The following FZD7 variants were observed in gnomAD, a reference collection of about 807,000 sequenced individuals.
The protein encoded by FZD7 is frizzled class receptor 7, also known as frizzled-7.
A neutral mutation model predicts 39.0 loss-of-function variants in FZD7; 21 were observed. The ratio of observed to expected loss-of-function variants is 0.54; its 90% CI spans 0.38 to 0.78. FZD7 has a LOEUF of 0.78. Ranked by LOEUF, FZD7 falls within the 30% of genes least tolerant of loss-of-function variation. The pLI is 0.00. For synonymous variants in FZD7, 428 were observed against 364.9 expected, an observed-to-expected ratio of 1.17 and a Z score of -1.97; for missense variants, 695 against 805.0, an observed-to-expected ratio of 0.86 and a Z score of 1.65.
Position 202,034,609 on chromosome 2 carries a change from C to G in FZD7, c.-39C>G. On this transcript the variant is annotated 5_prime_UTR_variant, in exon 1 of 1. Coordinates refer to ENST00000286201, the MANE Select transcript of FZD7 (RefSeq NM_003507.2). ...AGCCTCTCCCAACCGCCTCGTCGCA[C>G]TCCTCAGGCTGAGAGCACCGCTGCA... The G allele has an allele frequency of 6.7e-7, 1 of 1,491,420 alleles. No individual in the cohort carries two copies. Among genetic ancestry groups the G allele is most frequent in the Non-Finnish European group, 8.8e-7 (1 of 1,131,390 alleles). The allele number at this position is 1,491,420 out of a possible 1,614,324, so 92.4% of individuals were successfully genotyped here. A position where few individuals can be genotyped will look rare whatever the true frequency, so the allele number is the denominator to read the frequency against.
In FZD7 at chr2:202,034,478, G is replaced by T. The variant is rs922421434; in HGVS notation, c.-170G>T. 2.4e-6 allele frequency: 1 copy of T among 410,302 alleles called. No homozygotes were observed. Among genetic ancestry groups the T allele is most frequent in the East Asian group, 4.0e-5 (1 of 24,878 alleles). The allele number at this position is 410,302 out of a possible 1,614,324, so 25.4% of individuals were successfully genotyped here. Reference sequence around the variant, plus strand: ...GCGGCGTCTGCGGCGCCTTCGCGGCGCGGGCACCCAGGCGGCAGCGCCCTT... The same window carrying T: ...GCGGCGTCTGCGGCGCCTTCGCGGCTCGGGCACCCAGGCGGCAGCGCCCTT... On this transcript the variant is annotated 5_prime_UTR_variant, in exon 1 of 1. Coordinates refer to ENST00000286201, the MANE Select transcript of FZD7 (RefSeq NM_003507.2).
Position 202,035,629 on chromosome 2 carries a change from G to T in FZD7, c.982G>T (p.Ala328Ser), listed in dbSNP as rs1399375323. 6.2e-7 allele frequency: 1 copy of T among 1,614,208 alleles called. No homozygotes were observed. The highest frequency in any genetic ancestry group is 8.5e-7 in the Non-Finnish European group (1 of 1,180,046). The change falls in exon 1 of 1, where the codon GCG becomes TCG. Residue 328 changes from alanine to serine, a missense_variant. Coordinates refer to ENST00000286201, the MANE Select transcript of FZD7 (RefSeq NM_003507.2). ...RFSDDGYRTV[A>S]QGTKKEGCTI... ...CTCGGACGATGGCTACCGCACGGTG[G>T]CGCAGGGCACCAAGAAGGAGGGCTG...
Position 202,036,105 on chromosome 2 carries a change from G to A in FZD7, c.1458G>A (p.Leu486=). ...ACACAGTGCCCGCCACCATCGTCCT[G>A]GCCTGCTACTTCTACGAGCAGGCCT... ...VLYTVPATIV[L]ACYFYEQAFR... The change falls in exon 1 of 1, where the codon CTG becomes CTA. Residue 486 remains leucine, a synonymous_variant. Transcript: ENST00000286201. 1.2e-6 allele frequency: 2 copies of A among 1,613,924 alleles called. No individual in the cohort carries two copies. The highest frequency in any genetic ancestry group is 2.2e-5 in the East Asian group (1 of 44,884).
In FZD7 at chr2:202,036,958, C is replaced by T. The variant is rs1410736399; in HGVS notation, c.*586C>T. 1.2e-5 allele frequency: 2 copies of T among 167,578 alleles called. No individual in the cohort carries two copies. The highest frequency in any genetic ancestry group is 2.9e-5 in the Non-Finnish European group (2 of 68,528). 10.4% of individuals were successfully genotyped at this position (167,578 alleles called of 1,614,324 possible). ...GTCTCTCCTCCCCTGCCCCCTCCCGCCTGTTTTTCCTCCCGTACTGCTTTC... is the reference window on the plus strand; with the variant it reads ...GTCTCTCCTCCCCTGCCCCCTCCCGTCTGTTTTTCCTCCCGTACTGCTTTC... On this transcript the variant is annotated 3_prime_UTR_variant, in exon 1 of 1. Transcript: ENST00000286201.
Position 202,034,872 on chromosome 2 carries a change from C to G in FZD7, c.225C>G (p.Asn75Lys). Residue 75 changes from asparagine (N) to lysine (K), a missense_variant, in exon 1 of 1, where the codon AAC (asparagine) becomes AAG (lysine). Coordinates refer to ENST00000286201, the MANE Select transcript of FZD7 (RefSeq NM_003507.2). ...TILPNLLGHT[N>K]QEDAGLEVHQ... is the part of the protein sequence containing the mutation. ...TGCCCAACCTGCTGGGCCACACGAA[C>G]CAAGAGGACGCGGGCCTCGAGGTGC... 2 of 1,614,208 alleles carry G rather than the reference C, an allele frequency of 1.2e-6. No homozygotes were observed. The highest frequency in any genetic ancestry group is 1.7e-6 in the Non-Finnish European group (2 of 1,180,040).
Position 202,034,868 on chromosome 2 carries a change from C to T in FZD7, c.221C>T (p.Thr74Met), listed in dbSNP as rs547303593. ...ATCCTGCCCAACCTGCTGGGCCACA[C>T]GAACCAAGAGGACGCGGGCCTCGAG... ...QTILPNLLGH[T>M]NQEDAGLEVH... The change falls in exon 1 of 1, where the codon ACG (threonine) becomes ATG (methionine). Residue 74 changes from threonine (T) to methionine (M), a missense_variant. Coordinates refer to ENST00000286201, the MANE Select transcript of FZD7 (RefSeq NM_003507.2). 6.2e-7 allele frequency: 1 copy of T among 1,614,180 alleles called. No homozygotes were observed. Among genetic ancestry groups the T allele is most frequent in the Non-Finnish European group, 8.5e-7 (1 of 1,180,016 alleles).
Position 202,036,055 on chromosome 2 carries a change from C to A in FZD7, c.1408C>A (p.Arg470Ser). Residue 470 changes from arginine (R) to serine (S), a missense_variant, in exon 1 of 1, where the codon CGC becomes AGC. Transcript: ENST00000286201. The part of the protein sequence containing the change: ...KTEKLEKLMV[R>S]IGVFSVLYTV... ...CGAGAAGCTGGAGAAGCTCATGGTG[C>A]GCATCGGCGTCTTCAGCGTGCTCTA... The A allele has an allele frequency of 1.9e-6, 3 of 1,613,344 alleles. No individual in the cohort carries two copies. The highest frequency in any genetic ancestry group is 2.5e-6 in the Non-Finnish European group (3 of 1,179,814).
At position 202,034,597 on chromosome 2, in the gene FZD7, C is replaced by T. The variant is rs372559084; in HGVS notation, c.-51C>T. The T allele has an allele frequency of 2.1e-6, 3 of 1,460,906 alleles. No individual in the cohort carries two copies. Among genetic ancestry groups the T allele is most frequent in the Admixed American group, 2.4e-5 (1 of 42,298 alleles). 90.5% of individuals were successfully genotyped at this position (1,460,906 alleles called of 1,614,324 possible). ...TCCCCGCATCCAAGCCTCTCCCAAC[C>T]GCCTCGTCGCACTCCTCAGGCTGAG... On this transcript the variant is annotated 5_prime_UTR_variant, in exon 1 of 1. Transcript: ENST00000286201.
chr2:202,034,678 T>C lies in FZD7; in HGVS notation c.31T>C (p.Ser11Pro), dbSNP rs766841500. MRDPGAAAPL[S>P]SLGLCALVLA... The stretch of plus-strand genomic sequence containing the variant: ...GGACCCCGGCGCGGCCGCTCCGCTT[T>C]CGTCCCTGGGCCTCTGTGCCCTGGT... Residue 11 changes from serine to proline, a missense_variant, in exon 1 of 1, where the codon TCG becomes CCG. By Grantham distance (74) the Ser-to-Pro change is moderately conservative. Coordinates refer to ENST00000286201, the MANE Select transcript of FZD7 (RefSeq NM_003507.2). 6.3e-7 allele frequency: 1 copy of C among 1,598,200 alleles called. No individual in the cohort carries two copies. Among genetic ancestry groups the C allele is most frequent in the Non-Finnish European group, 8.5e-7 (1 of 1,175,826 alleles).
chr2:202,036,314 C>A lies in FZD7; in HGVS notation c.1667C>A (p.Ser556Ter). The part of the protein sequence containing the change: ...FWIWSGKTLQ[S>*]WRRFYHRLSH... The stretch of plus-strand genomic sequence containing the variant: ...ATCTGGTCGGGCAAGACCCTGCAGT[C>A]GTGGCGCCGCTTCTACCACAGACTT... Residue 556 changes from serine (S) to a stop codon, truncating the protein, a stop_gained, in exon 1 of 1, where the codon TCG (serine) becomes TAG (stop). Coordinates refer to ENST00000286201, the MANE Select transcript of FZD7 (RefSeq NM_003507.2). LOFTEE classifies it high-confidence loss of function. 1 of 1,613,132 alleles carries A rather than the reference C, an allele frequency of 6.2e-7. No homozygotes were observed. Among genetic ancestry groups the A allele is most frequent in the Non-Finnish European group, 8.5e-7 (1 of 1,179,956 alleles).
rs1421612764 is a variant in FZD7 at position 202,035,946 on chromosome 2, C to T, written c.1299C>T (p.Leu433=). ...GFVLAPLFVY[L]FIGTSFLLAG... ...TGCTGGCGCCTCTGTTCGTCTACCT[C>T]TTCATAGGCACGTCCTTCTTGCTGG... Residue 433 remains leucine (L), a synonymous_variant, in exon 1 of 1, where the codon CTC becomes CTT. Transcript: ENST00000286201. 1.9e-6 allele frequency: 3 copies of T among 1,614,030 alleles called. No individual in the cohort carries two copies. Among genetic ancestry groups the T allele is most frequent in the South Asian group, 1.1e-5 (1 of 91,088 alleles).
In FZD7 at chr2:202,035,330, G is replaced by T; in HGVS notation, c.683G>T (p.Arg228Leu). 1 of 1,611,766 alleles carries T rather than the reference G, an allele frequency of 6.2e-7. No homozygotes were observed. The highest frequency in any genetic ancestry group is 2.2e-5 in the East Asian group (1 of 44,856). ...PYLGYRFLGE[R>L]DCGAPCEPGR... ...CTGGGCTACCGCTTCCTGGGTGAGCGCGATTGTGGCGCCCCGTGCGAACCG... is the reference window on the plus strand; with the variant it reads ...CTGGGCTACCGCTTCCTGGGTGAGCTCGATTGTGGCGCCCCGTGCGAACCG... Residue 228 changes from arginine to leucine, a missense_variant, in exon 1 of 1, where the codon CGC becomes CTC. Transcript: ENST00000286201.
rs1200843668 is a variant in FZD7, at chr2:202,035,937, C to T, written c.1290C>T (p.Phe430=). 6.2e-6 allele frequency: 10 copies of T among 1,613,940 alleles called. No individual in the cohort carries two copies. The East Asian group carries it at 6.7e-5, about 11-fold the overall frequency. ...GGGGCTTCGTGCTGGCGCCTCTGTT[C>T]GTCTACCTCTTCATAGGCACGTCCT... ...ALRGFVLAPL[F]VYLFIGTSFL... The change falls in exon 1 of 1, where the codon TTC becomes TTT. Residue 430 remains phenylalanine (F), a synonymous_variant. Transcript: ENST00000286201.
In FZD7 at chr2:202,035,728, T is replaced by G. The variant is rs1052627983; in HGVS notation, c.1081T>G (p.Trp361Gly). 1.9e-6 allele frequency: 3 copies of G among 1,613,916 alleles called. No homozygotes were observed. In the African/African-American group the frequency reaches 4.0e-5, roughly 22 times the overall value. Residue 361 changes from tryptophan (W) to glycine (G), a missense_variant, in exon 1 of 1, where the codon TGG becomes GGG. Physicochemically the swap from Trp to Gly is radical, Grantham distance 184. Coordinates refer to ENST00000286201, the MANE Select transcript of FZD7 (RefSeq NM_003507.2). ...SIWWVILSLT[W>G]FLAAGMKWGH... Reference sequence around the variant, plus strand: ...CTGGTGGGTCATTCTGTCTCTCACTTGGTTCCTGGCGGCCGGCATGAAGTG... The same window carrying G: ...CTGGTGGGTCATTCTGTCTCTCACTGGGTTCCTGGCGGCCGGCATGAAGTG...
chr2:202,035,410 C>T lies in FZD7; in HGVS notation c.763C>T (p.Leu255Phe), dbSNP rs140897513. 45 of 1,613,768 alleles carry T rather than the reference C, an allele frequency of 2.8e-5. No individual in the cohort carries two copies. The highest frequency in any genetic ancestry group is 3.6e-5 in the Non-Finnish European group (43 of 1,180,022). The change falls in exon 1 of 1, where the codon CTC becomes TTC. Residue 255 changes from leucine to phenylalanine, a missense_variant. Coordinates refer to ENST00000286201, the MANE Select transcript of FZD7 (RefSeq NM_003507.2). The stretch of plus-strand genomic sequence containing the variant: ...GGAGGAGGAGAGGCGCTTCGCCCGC[C>T]TCTGGGTGGGCGTGTGGTCCGTGCT... ...FKEEERRFAR[L>F]WVGVWSVLCC...
Position 202,034,756 on chromosome 2 carries a change from G to T in FZD7, c.109G>T (p.Gly37Ter). The change falls in exon 1 of 1, where the codon GGA becomes TGA. Residue 37 changes from glycine (G) to a stop codon, truncating the protein, a stop_gained. Transcript: ENST00000286201. LOFTEE classifies it high-confidence loss of function. ...SAGAGAQPYH[G>*]EKGISVPDHG... The stretch of plus-strand genomic sequence containing the variant: ...GGGCGCCGGGGCGCAGCCGTACCAC[G>T]GAGAGAAGGGCATCTCCGTGCCGGA... 6.2e-7 allele frequency: 1 copy of T among 1,612,570 alleles called. No individual in the cohort carries two copies. Among genetic ancestry groups the T allele is most frequent in the Non-Finnish European group, 8.5e-7 (1 of 1,179,982 alleles).
rs1688703724 is a variant in FZD7 at position 202,034,507 on chromosome 2, TCCACGCCGCCCACGGCCCGGCC to T, written c.-138_-117del. 1.6e-6 allele frequency: 1 copy of T among 631,146 alleles called. No individual in the cohort carries two copies. The highest frequency in any genetic ancestry group is 2.4e-6 in the Non-Finnish European group (1 of 421,782). 39.1% of individuals were successfully genotyped at this position (631,146 alleles called of 1,614,324 possible). A position where few individuals can be genotyped will look rare whatever the true frequency, so the allele number is the denominator to read the frequency against. On this transcript the variant is annotated 5_prime_UTR_variant, in exon 1 of 1. Transcript: ENST00000286201. ...GCACCCAGGCGGCAGCGCCCTTTGCTCCACGCCGCCCACGGCCCGGCCCCGGCGCCGTGAGGACTCTCATGCG... is the reference window on the plus strand; with the variant it reads ...GCACCCAGGCGGCAGCGCCCTTTGCTCCGGCGCCGTGAGGACTCTCATGCG...
Position 202,034,838 on chromosome 2 carries a change from A to G in FZD7, c.191A>G (p.Gln64Arg). The change falls in exon 1 of 1, where the codon CAG (glutamine) becomes CGG (arginine). Residue 64 changes from glutamine (Q) to arginine (R), a missense_variant. Coordinates refer to ENST00000286201, the MANE Select transcript of FZD7 (RefSeq NM_003507.2). Reference sequence around the variant, plus strand: ...CTGTGCACGGACATCGCCTACAACCAGACCATCCTGCCCAACCTGCTGGGC... The same window carrying G: ...CTGTGCACGGACATCGCCTACAACCGGACCATCCTGCCCAACCTGCTGGGC... Reference protein sequence around the residue: ...IPLCTDIAYNQTILPNLLGHT... With the variant: ...IPLCTDIAYNRTILPNLLGHT... 6.2e-7 allele frequency: 1 copy of G among 1,614,058 alleles called. No individual in the cohort carries two copies. Among genetic ancestry groups the G allele is most frequent in the Non-Finnish European group, 8.5e-7 (1 of 1,180,012 alleles).
At position 202,035,568 on chromosome 2, in the gene FZD7, C is replaced by T. The variant is rs1355692442; in HGVS notation, c.921C>T (p.Phe307=). ...FMVAVAHVAG[F]LLEDRAVCVE... ...TGGCCGTGGCGCACGTGGCCGGCTTCCTTCTAGAGGACCGCGCCGTGTGCG... is the reference window on the plus strand; with the variant it reads ...TGGCCGTGGCGCACGTGGCCGGCTTTCTTCTAGAGGACCGCGCCGTGTGCG... The change falls in exon 1 of 1, where the codon TTC becomes TTT. Residue 307 remains phenylalanine, a synonymous_variant. Coordinates refer to ENST00000286201, the MANE Select transcript of FZD7 (RefSeq NM_003507.2). 2.5e-6 allele frequency: 4 copies of T among 1,614,166 alleles called. No individual in the cohort carries two copies. The highest frequency in any genetic ancestry group is 1.7e-6 in the Non-Finnish European group (2 of 1,180,030).
Sources: allele counts gnomAD v4.1 joint callset, GRCh38; gene constraint gnomAD v4.1.1; transcripts MANE v1.5; gene names NCBI Gene and HGNC (gene_info 2026-07-23, HGNC 2026-07-21).